DPY19L4: variants seen among roughly 807,000 people sequenced by gnomAD.
DPY19L4 encodes probable C-mannosyltransferase DPY19L4.
A neutral mutation model predicts 102.8 loss-of-function variants in DPY19L4; 97 were observed. The ratio of observed to expected loss-of-function variants is 0.94; its 90% CI spans 0.80 to 1.12. The LOEUF is 1.12. Among genes scored for constraint, DPY19L4 ranks in the 50% most tolerant of loss-of-function variants. The pLI is 0.00. For synonymous variants in DPY19L4, 252 were observed against 283.1 expected (o/e 0.89, Z 1.10); for missense variants, 815 against 850.4 (o/e 0.96, Z 0.52).
rs559466370 is a variant in DPY19L4 at position 94,789,853 on chromosome 8, C to T, written c.2115C>T (p.Tyr705=). 9.9e-6 allele frequency: 16 copies of T among 1,610,040 alleles called. No individual in the cohort carries two copies. In the South Asian group the frequency reaches 1.8e-4, roughly 18 times the overall value. ...SPYVNYFTRV[Y]WNRSYFVYKI... The stretch of plus-strand genomic sequence containing the variant: ...ATGTGAATTATTTCACTAGAGTATA[C>T]TGGAACAGATCCTACTTTGTATATA... Residue 705 remains tyrosine, a synonymous_variant, in exon 19 of 19, where the codon TAC becomes TAT. Coordinates refer to ENST00000414645, the MANE Select transcript of DPY19L4 (RefSeq NM_181787.3).
At chr8:94,744,772 C>G in intron 6 of DPY19L4, 1 of 342,000 alleles carries the variant, frequency 2.9e-6, no homozygotes, top group South Asian at 2.4e-5. Flanking sequence ...AAACAGAAGT[C>G]TGACTGCCTT....
At chr8:94,746,253 G>A (rs553364351) in intron 6 of DPY19L4, among the ~76,000 whole-genome samples, 1 of 150,954 alleles carries the variant, frequency 6.6e-6, no homozygotes, top group African/African-American at 2.4e-5. Context: ...TAGAGACAGG[G>A]TTTCACCATA....
rs138898525 is a variant in DPY19L4, at chr8:94,730,020, A to C, written c.127+3579A>C. 1.3e-5 allele frequency among the ~76,000 whole-genome samples: 2 copies of C among 152,116 alleles called. 1 individual carries two copies. The highest frequency in any genetic ancestry group is 1.3e-4 in the Admixed American group (2 of 15,270). ...TGCATCCATAATTTCAGTAGATATAAATACTCTTAAAATTTTGGCATAAGT... is the reference window on the plus strand; with the variant it reads ...TGCATCCATAATTTCAGTAGATATACATACTCTTAAAATTTTGGCATAAGT... On this transcript the variant is annotated intron_variant, in intron 2 of 18. Transcript: ENST00000414645.
intron 13 of DPY19L4, among the ~76,000 whole-genome samples, chr8:94,776,738 G>A (rs1813201556): frequency 6.6e-6 from 1 of 151,902 alleles, no homozygotes; most frequent in African/African-American, 2.4e-5. Context: ...GCCAAGGCGG[G>A]TGGATCACTT....
intron 2 of DPY19L4, among the ~76,000 whole-genome samples, chr8:94,729,877 TAAGA>T (rs918614274): frequency 3.3e-5 from 5 of 151,684 alleles, no homozygotes; most frequent in African/African-American, 9.7e-5. Flanking sequence ...AAATACAACG[TAAGA>T]AAGAAAATTA....
chr8:94,729,249 G>A (rs1297105707), intron 2 of DPY19L4, among the ~76,000 whole-genome samples: 1 of 152,028 alleles, frequency 6.6e-6, no homozygotes, highest in Non-Finnish European at 1.5e-5. Flanking sequence ...GCATGCAACT[G>A]TAGTCCCAGC....
At chr8:94,738,497 T>C (rs1811290595) in intron 4 of DPY19L4, 38 bp downstream of exon 4, 1 of 1,336,264 alleles carries the variant, frequency 7.5e-7, no homozygotes, top group South Asian at 1.5e-5. Context: ...TAACAGTATT[T>C]TCCTTTTTCT....
chr8:94,762,392 G>A (rs1489474035), intron 8 of DPY19L4, among the ~76,000 whole-genome samples: 1 of 152,162 alleles, frequency 6.6e-6, no homozygotes, highest in African/African-American at 2.4e-5. Flanking sequence ...GGACCCTCAA[G>A]CCATCAGGAA....
chr8:94,761,621 A>G, intron 7 of DPY19L4, 79 bp from the exon 8 acceptor site: 1 of 1,281,862 alleles, frequency 7.8e-7, no homozygotes, highest in Non-Finnish European at 1.0e-6. Context: ...ACAGAGCTAC[A>G]ACTTTGAGGT....
chr8:94,789,578 G>A (rs923914956), intron 18 of DPY19L4, among the ~76,000 whole-genome samples, 168 bp from the exon 19 acceptor site: 2 of 152,106 alleles, frequency 1.3e-5, no homozygotes, highest in African/African-American at 4.8e-5. Context: ...AGTGGGCATG[G>A]TGACTCACTT....
At chr8:94,731,861 G>A (rs1220859103) in intron 2 of DPY19L4, among the ~76,000 whole-genome samples, 1 of 151,992 alleles carries the variant, frequency 6.6e-6, no homozygotes, top group South Asian at 2.1e-4. Flanking sequence ...TCTGCCTCCC[G>A]GGTTCACGCC....
At position 94,792,845 on chromosome 8, in the gene DPY19L4, AC is replaced by A. The variant is rs201618958; in HGVS notation, c.*2936del. ...ACTCCAGCCTGGGCAACAGAGCAAGACTCCATCTCAAAAAGAAAAAAAAAGT... is the reference window on the plus strand; with the variant it reads ...ACTCCAGCCTGGGCAACAGAGCAAGATCCATCTCAAAAAGAAAAAAAAAGT... On this transcript the variant is annotated 3_prime_UTR_variant, in exon 19 of 19. Transcript: ENST00000414645. The A allele has an allele frequency of 0.028, 4,253 of 152,098 alleles. 80 individuals are homozygous for A. Among genetic ancestry groups the A allele is most frequent in the Non-Finnish European group, 0.042 (2,839 of 68,036 alleles). 9.4% of individuals were successfully genotyped at this position (152,098 alleles called of 1,614,324 possible). A position where few individuals can be genotyped will look rare whatever the true frequency, so the allele number is the denominator to read the frequency against.
rs1396496066 is a variant in DPY19L4 at position 94,792,230 on chromosome 8, TA to T, written c.*2321del. The stretch of plus-strand genomic sequence containing the variant: ...ACAAGTGCCTTGAATTTATTATTAT[TA>T]TTATTTTTTATTTTTTTGAGATGGA... On this transcript the variant is annotated 3_prime_UTR_variant, in exon 19 of 19. Coordinates refer to ENST00000414645, the MANE Select transcript of DPY19L4 (RefSeq NM_181787.3). 6.6e-6 allele frequency: 1 copy of T among 151,936 alleles called. No individual in the cohort carries two copies. Among genetic ancestry groups the T allele is most frequent in the African/African-American group, 2.4e-5 (1 of 41,380 alleles). The allele number at this position is 151,936 out of a possible 1,614,324, so 9.4% of individuals were successfully genotyped here.
At chr8:94,732,014 G>A (rs942565108) in intron 2 of DPY19L4, among the ~76,000 whole-genome samples, 2 of 151,946 alleles carry the variant, frequency 1.3e-5, no homozygotes, top group East Asian at 1.9e-4. Flanking sequence ...CTCGTGATCC[G>A]CCTGCCTCGG....
chr8:94,726,307 C>G (rs371964466), intron 1 of DPY19L4, 24 bp from the exon 2 acceptor site: 11 of 1,569,504 alleles, frequency 7.0e-6, no homozygotes, highest in Non-Finnish European at 9.5e-6. Flanking sequence ...ACACACATTG[C>G]AATAATGTCT....
At chr8:94,776,126 G>A (rs913069929) in intron 13 of DPY19L4, among the ~76,000 whole-genome samples, 15 of 144,810 alleles carry the variant, frequency 1.0e-4, no homozygotes, top group African/African-American at 2.3e-4. Flanking sequence ...TCTGCCTCCC[G>A]GGTTCATGCC....
Position 94,761,902 on chromosome 8 carries a change from C to T in DPY19L4, c.870+68C>T, listed in dbSNP as rs1812409777. 11 of 1,472,812 alleles carry T rather than the reference C, an allele frequency of 7.5e-6. No homozygotes were observed. The South Asian group carries it at 1.6e-4, about 21-fold the overall frequency. The allele number at this position is 1,472,812 out of a possible 1,614,324, so 91.2% of individuals were successfully genotyped here. On this transcript the variant is annotated intron_variant, in intron 8 of 18. Transcript: ENST00000414645. ...GTATTTATAGCATTGTATCTTAAAACCTCTCTTTTCTTCATCCATACACTC... is the reference window on the plus strand; with the variant it reads ...GTATTTATAGCATTGTATCTTAAAATCTCTCTTTTCTTCATCCATACACTC...
intron 6 of DPY19L4, among the ~76,000 whole-genome samples, chr8:94,751,584 C>G (rs573561376): frequency 4.6e-5 from 7 of 151,734 alleles, no homozygotes; most frequent in African/African-American, 1.7e-4. Flanking sequence ...CTCTGCCTCC[C>G]GGGTTCAAGC....
chr8:94,761,338 C>G (rs1812386410), intron 7 of DPY19L4, among the ~76,000 whole-genome samples: 3 of 152,178 alleles, frequency 2.0e-5, no homozygotes, highest in Admixed American at 2.0e-4. Context: ...TCCCCAATAA[C>G]AAAAGCTCAC....
Sources: allele counts gnomAD v4.1 joint callset (sites outside exome capture counted in the v4.1 genomes callset), GRCh38; gene constraint gnomAD v4.1.1; transcripts MANE v1.5; gene names NCBI Gene and HGNC (gene_info 2026-07-23, HGNC 2026-07-21).